Variants in IGSF11 observed in about 807,000 individuals in gnomAD.
IGSF11 encodes CXADR like 1.
In IGSF11, 22 loss-of-function variants were observed where a neutral mutation model predicts 41.0. The observed-to-expected ratio is 0.54, with a 90% CI of 0.38 to 0.77. IGSF11 has a LOEUF of 0.77. Among genes scored for constraint, IGSF11 ranks in the 30% least tolerant of loss-of-function variants. The pLI is 0.00. For missense variants in IGSF11, 444 were observed against 530.8 expected (o/e 0.84, Z 1.61); for synonymous variants, 219 against 201.3 (o/e 1.09, Z -0.74).
chr3:118,916,814 G>GCACCA (rs1265077818), intron 4 of IGSF11, among the ~76,000 whole-genome samples: 1 of 151,510 alleles, frequency 6.6e-6, no homozygotes, highest in Non-Finnish European at 1.5e-5. Flanking sequence ...ATTTTTTTCA[G>GCACCA]CACCACACCA....
chr3:119,086,872 A>G (rs566285012), intron 1 of IGSF11, among the ~76,000 whole-genome samples: 1 of 152,308 alleles, frequency 6.6e-6, no homozygotes, highest in South Asian at 2.1e-4. Flanking sequence ...CCAGCTAACA[A>G]TATGATGACA....
chr3:118,936,999 G>T (rs902360803), intron 1 of IGSF11, among the ~76,000 whole-genome samples: 2 of 152,204 alleles, frequency 1.3e-5, no homozygotes, highest in Non-Finnish European at 2.9e-5. Flanking sequence ...AATGGGGACT[G>T]GCCCAAGCAA....
At chr3:119,036,874 A>G (rs1471020001), upstream of IGSF11, among the ~76,000 whole-genome samples, 2 of 152,130 alleles carry the variant, frequency 1.3e-5, no homozygotes, top group African/African-American at 4.8e-5. Context: ...TCAGTAAAGG[A>G]GCCCTTTCAA....
intron 1 of IGSF11, among the ~76,000 whole-genome samples, chr3:118,958,467 A>G (rs1410647795): frequency 6.6e-6 from 1 of 152,232 alleles, no homozygotes; most frequent in Non-Finnish European, 1.5e-5. Context: ...TATGAGGACT[A>G]TGGCCAGGAA....
At chr3:119,084,127 C>T (rs2076632274) in intron 1 of IGSF11, among the ~76,000 whole-genome samples, 2 of 152,032 alleles carry the variant, frequency 1.3e-5, no homozygotes, top group African/African-American at 4.8e-5. Context: ...GCAAGATGGA[C>T]AACTAGATAC....
intron 2 of IGSF11, 84 bp downstream of exon 2, chr3:118,930,028 A>G: frequency 7.2e-7 from 1 of 1,384,040 alleles, no homozygotes; most frequent in Non-Finnish European, 9.9e-7. Context: ...TCTCGAAACC[A>G]AAGATGTACT....
At chr3:119,119,819 A>C (rs530086882) in intron 1 of IGSF11, among the ~76,000 whole-genome samples, 1 of 152,362 alleles carries the variant, frequency 6.6e-6, no homozygotes, top group South Asian at 2.1e-4. Flanking sequence ...ACTGCTGGCA[A>C]CATTACAACT....
At chr3:118,926,497 CTT>C (rs1942321553) in intron 3 of IGSF11, among the ~76,000 whole-genome samples, 1 of 152,136 alleles carries the variant, frequency 6.6e-6, no homozygotes, top group Admixed American at 6.6e-5. Flanking sequence ...GGGCTTCACT[CTT>C]TGATTATAGT....
intron 1 of IGSF11, among the ~76,000 whole-genome samples, chr3:119,016,972 GA>G (rs2107704992): frequency 6.9e-6 from 1 of 144,624 alleles, no homozygotes; most frequent in Admixed American, 7.1e-5. Context: ...TAAACAAATA[GA>G]TAAGTACATA....
At chr3:119,112,975 C>T (rs2077203563) in intron 1 of IGSF11, among the ~76,000 whole-genome samples, 1 of 152,100 alleles carries the variant, frequency 6.6e-6, no homozygotes, top group Admixed American at 6.5e-5. Context: ...TCCTACATGG[C>T]TAGAGAAGGA....
At chr3:119,063,292 AC>A (rs1942110432) in intron 1 of IGSF11, among the ~76,000 whole-genome samples, 1 of 152,244 alleles carries the variant, frequency 6.6e-6, no homozygotes, top group East Asian at 1.9e-4. Flanking sequence ...TTCCCCGAAG[AC>A]ATAATTCCTC....
At chr3:119,048,395 T>G (rs1010138112) in intron 1 of IGSF11, among the ~76,000 whole-genome samples, 13 of 152,118 alleles carry the variant, frequency 8.5e-5, no homozygotes, top group Non-Finnish European at 1.8e-4. Context: ...CTAGAAAATC[T>G]AGAAGAAATG....
chr3:119,014,263 A>T (rs12054067), intron 1 of IGSF11, among the ~76,000 whole-genome samples: 33,224 of 152,148 alleles, frequency 0.22, 4,568 homozygotes, highest in African/African-American at 0.39. Flanking sequence ...TTCTTCTGTT[A>T]CATCTTACCC....
chr3:118,925,322 C>T (rs1942194709), intron 4 of IGSF11, among the ~76,000 whole-genome samples: 1 of 152,088 alleles, frequency 6.6e-6, no homozygotes, highest in Admixed American at 6.6e-5. Context: ...TGTTTGTGGC[C>T]TCTCCATTAA....
At position 118,955,310 on chromosome 3, in the gene IGSF11, A is replaced by T. The variant is rs529454895; in HGVS notation, c.53-25035T>A. Among the ~76,000 whole-genome samples, 3 of 152,198 alleles carry T rather than the reference A, an allele frequency of 2.0e-5. No individual in the cohort carries two copies. The South Asian group carries it at 6.2e-4, about 32-fold the overall frequency. On this transcript the variant is annotated intron_variant, in intron 1 of 6. Transcript: ENST00000393775. Reference sequence around the variant, plus strand: ...CCATATAAAGGAATGAAATAACAGCATTCACAGCAACCCAGATGGAACCGG... The same window carrying T: ...CCATATAAAGGAATGAAATAACAGCTTTCACAGCAACCCAGATGGAACCGG...
At chr3:119,134,362 C>T (rs1008586125) in intron 1 of IGSF11, among the ~76,000 whole-genome samples, 1 of 152,188 alleles carries the variant, frequency 6.6e-6, no homozygotes, top group Non-Finnish European at 1.5e-5. Flanking sequence ...GCAACTTCAG[C>T]AAAGCTCAGT....
At chr3:119,055,203 G>A (rs188028327) in intron 1 of IGSF11, among the ~76,000 whole-genome samples, 32 of 152,194 alleles carry the variant, frequency 2.1e-4, no homozygotes, top group East Asian at 9.6e-4. Flanking sequence ...AAGACCAAAG[G>A]TAGATAAACC....
intron 1 of IGSF11, among the ~76,000 whole-genome samples, chr3:118,945,169 C>T (rs1294168031): frequency 6.6e-6 from 1 of 151,974 alleles, no homozygotes; most frequent in Non-Finnish European, 1.5e-5. Flanking sequence ...TGAATTTGAT[C>T]TCAAAAAATA....
intron 1 of IGSF11, among the ~76,000 whole-genome samples, chr3:119,096,865 A>G (rs1428883464): frequency 6.6e-6 from 1 of 152,190 alleles, no homozygotes; most frequent in Non-Finnish European, 1.5e-5. Context: ...CTTTTAAGAC[A>G]CTGAGCTCTA....
Sources: allele counts gnomAD v4.1 joint callset (sites outside exome capture counted in the v4.1 genomes callset), GRCh38; gene constraint gnomAD v4.1.1; transcripts MANE v1.5; gene names NCBI Gene and HGNC (gene_info 2026-07-23, HGNC 2026-07-21).